Variants in ZNF675 observed in about 807,000 individuals in gnomAD.
ZNF675 encodes the protein zinc finger protein 675.
Under a neutral mutation model 56.1 loss-of-function variants are expected in ZNF675, and 36 were observed. That is an observed-to-expected ratio of 0.64 (90% CI 0.49 to 0.85). ZNF675 has a LOEUF of 0.85. ZNF675 is among the 40% of genes least tolerant of loss of function. ZNF675 has a pLI of 0.00. For missense variants in ZNF675, 663 were observed against 654.2 expected (o/e 1.01, Z -0.15); for synonymous variants, 200 against 218.9 (o/e 0.91, Z 0.76).
At chr19:23,686,231 A>G (rs1428232626) in intron 1 of ZNF675, 1 of 152,182 alleles carries the variant, frequency 6.6e-6, no homozygotes, top group Non-Finnish European at 1.5e-5. Flanking sequence ...GCTCCAAACC[A>G]CAGCTGAATG....
chr19:23,658,898 G>GATCTATAGATAT (rs1968034181), intron 3 of ZNF675, among the ~76,000 whole-genome samples: 2 of 6,298 alleles, frequency 3.2e-4, no homozygotes, highest in African/African-American at 5.0e-4. Flanking sequence ...TAGATCTATA[G>GATCTATAGATAT]ATATCTATAG....
intron 1 of ZNF675, among the ~76,000 whole-genome samples, chr19:23,673,938 C>G (rs1323723458): frequency 6.6e-6 from 1 of 151,834 alleles, no homozygotes; most frequent in East Asian, 1.9e-4. Context: ...AACAGTGGCT[C>G]ACGCCTGTAA....
intron 1 of ZNF675, among the ~76,000 whole-genome samples, chr19:23,682,286 A>G (rs932208653): frequency 1.3e-5 from 2 of 151,724 alleles, no homozygotes; most frequent in African/African-American, 4.9e-5. Flanking sequence ...TCTATTCACC[A>G]TTCTTCTGCT....
At position 23,652,891 on chromosome 19, in the gene ZNF675, G is replaced by A. The variant is rs4402688; in HGVS notation, c.*335C>T. The A allele has an allele frequency of 0.99, 179,569 of 181,020 alleles. 89,086 individuals carry two copies. The highest frequency in any genetic ancestry group is 1 in the Middle Eastern group (374 of 374). 11.2% of individuals were successfully genotyped at this position (181,020 alleles called of 1,614,324 possible). The stretch of plus-strand genomic sequence containing the variant: ...CTTTAAAGGCTTATATTTTCTTAAA[G>A]TCTTTAGACAGTAATTGCATTTATA... On this transcript the variant is annotated 3_prime_UTR_variant, in exon 4 of 4. Coordinates refer to ENST00000359788, the MANE Select transcript of ZNF675 (RefSeq NM_138330.3).
In ZNF675 at chr19:23,653,562, A is replaced by G; in HGVS notation, c.1371T>C (p.Cys457=). The change falls in exon 4 of 4, where the codon TGT becomes TGC. Residue 457 remains cysteine, a synonymous_variant. Transcript: ENST00000359788. ...TGKKPYKCEE[C]GKAFIQSSKL... ...TTGAGGATTGGATAAAAGCTTTGCC[A>G]CATTCTTCACATTTGTAGGGTTTCT... The G allele has an allele frequency of 6.2e-7, 1 of 1,613,408 alleles. No homozygotes were observed. The highest frequency in any genetic ancestry group is 2.2e-5 in the East Asian group (1 of 44,840).
intron 1 of ZNF675, among the ~76,000 whole-genome samples, chr19:23,679,245 C>A (rs1341684817): frequency 6.7e-6 from 1 of 149,880 alleles, no homozygotes; most frequent in Non-Finnish European, 1.5e-5. Flanking sequence ...CACACACTTA[C>A]AACCATACGA....
Position 23,665,118 on chromosome 19 carries a change from G to C in ZNF675, c.4-1960C>G, listed in dbSNP as rs139218734. 5.5e-3 allele frequency among the ~76,000 whole-genome samples: 829 copies of C among 152,074 alleles called. 7 individuals carry two copies. Among genetic ancestry groups the C allele is most frequent in the African/African-American group, 0.019 (802 of 41,516 alleles). ...TCAGCACTTTGGGAGGCCAAGACGGGGGGATCACTTGAGGTCAGGAGTTCC... is the reference window on the plus strand; with the variant it reads ...TCAGCACTTTGGGAGGCCAAGACGGCGGGATCACTTGAGGTCAGGAGTTCC... On this transcript the variant is annotated intron_variant, in intron 1 of 3. Coordinates refer to ENST00000359788, the MANE Select transcript of ZNF675 (RefSeq NM_138330.3).
Position 23,653,607 on chromosome 19 carries a change from A to G in ZNF675, c.1326T>C (p.His442=). Reference sequence around the variant, plus strand: ...GTTTCTTTCCAGTATGAAGTTTCTTATGTTCAGTAAGTTTTGAGGATCGGT... The same window carrying G: ...GTTTCTTTCCAGTATGAAGTTTCTTGTGTTCAGTAAGTTTTGAGGATCGGT... ...AFNRSSKLTE[H]KKLHTGKKPY... Residue 442 remains histidine, a synonymous_variant, in exon 4 of 4, where the codon CAT becomes CAC. Transcript: ENST00000359788. 23 of 1,612,784 alleles carry G rather than the reference A, an allele frequency of 1.4e-5. No homozygotes were observed. The highest frequency in any genetic ancestry group is 1.9e-5 in the Non-Finnish European group (23 of 1,179,498).
chr19:23,654,787 A>G, intron 3 of ZNF675, 81 bp from the exon 4 acceptor site: 1 of 1,201,548 alleles, frequency 8.3e-7, no homozygotes, highest in Admixed American at 2.8e-5. Flanking sequence ...AATTACACAA[A>G]CTACATAAGC....
At chr19:23,655,828 A>T (rs965163127) in intron 3 of ZNF675, 2 of 152,208 alleles carry the variant, frequency 1.3e-5, no homozygotes, top group East Asian at 1.9e-4. Flanking sequence ...AAATTTAAGA[A>T]TGCTGGCTGG....
chr19:23,656,887 ATT>A lies in ZNF675; in HGVS notation c.227-2183_227-2182del, dbSNP rs1340933109. On this transcript the variant is annotated intron_variant, in intron 3 of 3. Transcript: ENST00000359788. ...GAGTTTTAGTTTCACAAGATGAAAA[ATT>A]TATAGAAGTCTTTTGCATAACAATA... is the stretch of plus-strand genomic sequence containing the variant. 5 of 152,286 alleles carry A rather than the reference ATT, an allele frequency of 3.3e-5. No homozygotes were observed. The East Asian group carries it at 9.7e-4, about 29-fold the overall frequency. The allele number at this position is 152,286 out of a possible 1,614,324, so 9.4% of individuals were successfully genotyped here. A position where few individuals can be genotyped will look rare whatever the true frequency, so the allele number is the denominator to read the frequency against.
chr19:23,662,535 A>G (rs771857285), intron 2 of ZNF675, among the ~76,000 whole-genome samples: 3 of 152,248 alleles, frequency 2.0e-5, no homozygotes, highest in Non-Finnish European at 2.9e-5. Flanking sequence ...AGTTCAGATC[A>G]AGATGAAACA....
At chr19:23,658,862 A>ATATCT (rs1364352504) in intron 3 of ZNF675, among the ~76,000 whole-genome samples, 1 of 15,702 alleles carries the variant, frequency 6.4e-5, no homozygotes, top group African/African-American at 2.1e-4. Flanking sequence ...TAGATATAGA[A>ATATCT]ATAGATCTAT....
At chr19:23,655,927 TACAA>T (rs1967977231) in intron 3 of ZNF675, 1 of 152,048 alleles carries the variant, frequency 6.6e-6, no homozygotes, top group Non-Finnish European at 1.5e-5. Flanking sequence ...ACCCTGTTCC[TACAA>T]ATAATCAAAA....
chr19:23,679,652 C>T (rs7255348), intron 1 of ZNF675, among the ~76,000 whole-genome samples: 146,399 of 150,550 alleles, frequency 0.97, 71,351 homozygotes, highest in Middle Eastern at 1. Flanking sequence ...CCATAATGAA[C>T]TTAAATAAGT....
Position 23,662,111 on chromosome 19 carries a change from T to G in ZNF675, c.226+3A>C. The G allele has an allele frequency of 6.2e-7, 1 of 1,610,498 alleles. No individual in the cohort carries two copies. The highest frequency in any genetic ancestry group is 1.1e-5 in the South Asian group (1 of 90,974). On this transcript the variant is annotated splice_donor_region_variant and intron_variant, in intron 3 of 3. Coordinates refer to ENST00000359788, the MANE Select transcript of ZNF675 (RefSeq NM_138330.3). ...TGTTGTATTCACTTTCATTCTCACTTACCTGGGGGTTCATTCACCATCTCA... is the reference window on the plus strand; with the variant it reads ...TGTTGTATTCACTTTCATTCTCACTGACCTGGGGGTTCATTCACCATCTCA...
At chr19:23,657,558 A>T (rs1968004481) in intron 3 of ZNF675, among the ~76,000 whole-genome samples, 1 of 152,186 alleles carries the variant, frequency 6.6e-6, no homozygotes, top group Admixed American at 6.5e-5. Flanking sequence ...TCTACTAAAA[A>T]TACAAAAAAT....
intron 1 of ZNF675, among the ~76,000 whole-genome samples, chr19:23,676,987 T>C (rs1968304615): frequency 6.8e-6 from 1 of 147,436 alleles, no homozygotes; most frequent in Admixed American, 6.9e-5. Context: ...GGCAAGAGAA[T>C]GGCGGCGTTA....
At chr19:23,657,257 T>C (rs911371446) in intron 3 of ZNF675, 27 of 152,336 alleles carry the variant, frequency 1.8e-4, no homozygotes, top group Non-Finnish European at 3.4e-4. Flanking sequence ...CACACTTCAA[T>C]AGATTTTAGA....
Sources: gnomAD v4.1 joint callset for allele counts (sites outside exome capture counted in the v4.1 genomes callset) on GRCh38, gnomAD v4.1.1 for gene constraint, MANE v1.5 for transcripts, NCBI Gene and HGNC (gene_info 2026-07-23, HGNC 2026-07-21) for gene names.